Variants in TP63 observed in about 807,000 individuals in gnomAD.
TP63 encodes the protein tumor protein p63.
In TP63, 17 loss-of-function variants were observed where a neutral mutation model predicts 82.8. The observed-to-expected ratio is 0.21, with a 90% confidence interval of 0.14 to 0.31. TP63 has a LOEUF of 0.31. Ranked by LOEUF, TP63 falls within the 10% of genes least tolerant of loss-of-function variation. TP63 has a pLI of 1.00. For synonymous variants in TP63, 330 were observed against 321.7 expected (o/e 1.03, Z -0.28); for missense variants, 648 against 895.3 (o/e 0.72, Z 3.52).
chr3:189,895,196 T>G lies in TP63; in HGVS notation c.*694T>G. 1 of 221,332 alleles carries G rather than the reference T, an allele frequency of 4.5e-6. No individual in the cohort carries two copies. The highest frequency in any genetic ancestry group is 9.0e-6 in the Non-Finnish European group (1 of 110,648). The allele number at this position is 221,332 out of a possible 1,614,324, so 13.7% of individuals were successfully genotyped here. ...TATATTTTATATTACTGACATTTCTTCTAGTGATGATGGTTCACGTTGGGG... is the reference window on the plus strand; with the variant it reads ...TATATTTTATATTACTGACATTTCTGCTAGTGATGATGGTTCACGTTGGGG... On this transcript the variant is annotated 3_prime_UTR_variant, in exon 14 of 14. Coordinates refer to ENST00000264731, the MANE Select transcript of TP63 (RefSeq NM_003722.5).
chr3:189,624,445 C>G, the TP63 span, among the ~76,000 whole-genome samples: 2 of 152,182 alleles, frequency 1.3e-5, no homozygotes, highest in East Asian at 1.9e-4. Flanking sequence ...GTCAATATAG[C>G]CTTTAAGAAG....
In TP63 at chr3:189,886,423, G is replaced by A. The variant is rs1720451774; in HGVS notation, c.1379G>A (p.Gly460Asp). The part of the protein sequence containing the change: ...QTSIQSPSSY[G>D]NSSPPLNKMN... ...TCAATACAGTCTCCATCTTCATATG[G>A]TAACAGCTCCCCACCTCTGAACAAA... Residue 460 changes from glycine to aspartate, a missense_variant, in exon 11 of 14, where the codon GGT (glycine) becomes GAT (aspartate). Transcript: ENST00000264731. 1.2e-6 allele frequency: 2 copies of A among 1,613,958 alleles called. No individual in the cohort carries two copies. The highest frequency in any genetic ancestry group is 1.7e-6 in the Non-Finnish European group (2 of 1,179,960).
chr3:189,844,318 C>T (rs146637789), intron 4 of TP63: 160 of 401,490 alleles, frequency 4.0e-4, no homozygotes, highest in African/African-American at 2.3e-3. Context: ...ATTACAGGCA[C>T]GCGCCACCAC....
At chr3:189,782,269 C>T (rs1208489980) in intron 3 of TP63, among the ~76,000 whole-genome samples, 1 of 152,148 alleles carries the variant, frequency 6.6e-6, no homozygotes. Flanking sequence ...ATTCATTATC[C>T]ATTCAGCAGA....
intron 11 of TP63, among the ~76,000 whole-genome samples, chr3:189,887,527 T>C (rs1720581394): frequency 6.6e-6 from 1 of 152,166 alleles, no homozygotes; most frequent in Non-Finnish European, 1.5e-5. Context: ...GGATGATGAC[T>C]GGCATATAGC....
chr3:189,782,833 G>A (rs979995991), intron 3 of TP63, among the ~76,000 whole-genome samples: 1 of 151,936 alleles, frequency 6.6e-6, no homozygotes, highest in African/African-American at 2.4e-5. Flanking sequence ...ACTTAATTTT[G>A]TTGATGAGTT....
chr3:189,881,396 C>T (rs1719899291), intron 10 of TP63: 1 of 985,254 alleles, frequency 1.0e-6, no homozygotes, highest in Non-Finnish European at 1.2e-6. Flanking sequence ...GTCACCAGCA[C>T]TGTATTTTCT....
chr3:189,600,049 A>G, the TP63 span, among the ~76,000 whole-genome samples: 5 of 152,204 alleles, frequency 3.3e-5, no homozygotes, highest in African/African-American at 1.2e-4. Context: ...AATATGTCGA[A>G]GAGGCAAAAA....
At chr3:189,603,324 A>G in the TP63 span, among the ~76,000 whole-genome samples, 1 of 152,062 alleles carries the variant, frequency 6.6e-6, no homozygotes, top group Non-Finnish European at 1.5e-5. Flanking sequence ...CTTCTCATCT[A>G]TAAGGTGAAG....
rs548922122 is a variant in TP63, at chr3:189,696,006, C to A, written c.63-41734C>A. Reference sequence around the variant, plus strand: ...GTAATATAGTGAGAATATTTTATCACACTCTACATTCCATCCCAAGATTTC... The same window carrying A: ...GTAATATAGTGAGAATATTTTATCAAACTCTACATTCCATCCCAAGATTTC... On this transcript the variant is annotated intron_variant, in intron 1 of 13. Transcript: ENST00000264731. 5.3e-5 allele frequency among the ~76,000 whole-genome samples: 8 copies of A among 152,236 alleles called. No homozygotes were observed. The South Asian group carries it at 1.7e-3, about 32-fold the overall frequency.
chr3:189,761,585 A>G (rs924073719), intron 3 of TP63, among the ~76,000 whole-genome samples: 28 of 152,186 alleles, frequency 1.8e-4, no homozygotes, highest in African/African-American at 6.5e-4. Flanking sequence ...AGGAAGTTCC[A>G]AACTTCCCTG....
intron 3 of TP63, among the ~76,000 whole-genome samples, chr3:189,804,396 C>T (rs1334453263): frequency 6.6e-6 from 1 of 152,162 alleles, no homozygotes; most frequent in East Asian, 1.9e-4. Flanking sequence ...TAGAAAAGCA[C>T]CATTCTTTGT....
chr3:189,814,060 A>G (rs1242309855), intron 4 of TP63, among the ~76,000 whole-genome samples: 3 of 152,206 alleles, frequency 2.0e-5, no homozygotes, highest in African/African-American at 4.8e-5. Context: ...CATTGATCCC[A>G]GCATATGGGT....
chr3:189,669,232 C>A (rs1714679059), intron 1 of TP63, among the ~76,000 whole-genome samples: 1 of 151,262 alleles, frequency 6.6e-6, no homozygotes, highest in African/African-American at 2.4e-5. Flanking sequence ...ACAATACTAA[C>A]AACCAAAAAA....
the TP63 span, among the ~76,000 whole-genome samples, chr3:189,612,146 C>G: frequency 2.0e-3 from 309 of 151,972 alleles, 1 homozygote; most frequent in African/African-American, 5.8e-3. Flanking sequence ...CGGACTGTAT[C>G]CAGGGTTCAG....
intron 3 of TP63, among the ~76,000 whole-genome samples, chr3:189,749,230 G>A (rs74498549): frequency 6.6e-6 from 1 of 151,910 alleles, no homozygotes; most frequent in Non-Finnish European, 1.5e-5. Flanking sequence ...AGCAAAGAAA[G>A]CAATTAATAG....
At chr3:189,888,061 T>C (rs1444447026) in intron 11 of TP63, among the ~76,000 whole-genome samples, 1 of 152,010 alleles carries the variant, frequency 6.6e-6, no homozygotes, top group East Asian at 1.9e-4. Flanking sequence ...TTTCACCATG[T>C]TGGCCAGACT....
intron 3 of TP63, among the ~76,000 whole-genome samples, chr3:189,739,897 A>G (rs1012377026): frequency 1.3e-5 from 2 of 151,754 alleles, no homozygotes; most frequent in African/African-American, 2.4e-5. Context: ...GTCATAGAGT[A>G]TCTGTTGACG....
chr3:189,897,049 A>G lies in TP63; in HGVS notation c.*2547A>G, dbSNP rs1369103616. ...GAATGTTAAAGGGATATTTTTTTCT[A>G]TTATTTTTATAATTGTACAAAATTA... On this transcript the variant is annotated 3_prime_UTR_variant, in exon 14 of 14. Transcript: ENST00000264731. The G allele has an allele frequency of 4.4e-6, 1 of 224,782 alleles. No homozygotes were observed. The allele number at this position is 224,782 out of a possible 1,614,324, so 13.9% of individuals were successfully genotyped here. A position where few individuals can be genotyped will look rare whatever the true frequency, so the allele number is the denominator to read the frequency against.
Sources: allele counts gnomAD v4.1 joint callset (sites outside exome capture counted in the v4.1 genomes callset), GRCh38; gene constraint gnomAD v4.1.1; transcripts MANE v1.5; gene names NCBI Gene and HGNC (gene_info 2026-07-23, HGNC 2026-07-21).